NRG3: variants seen among roughly 807,000 people sequenced by gnomAD.
NRG3 encodes neuregulin 3, also known as pro-neuregulin-3, membrane-bound isoform.
NRG3 carries 31 observed loss-of-function variants against 66.9 expected under a neutral mutation model. The ratio of observed to expected loss-of-function variants is 0.46; its 90% CI spans 0.35 to 0.63. The LOEUF is 0.63. Ranked by LOEUF, NRG3 falls within the 20% of genes least tolerant of loss-of-function variation. NRG3 has a pLI of 0.00. For synonymous variants in NRG3, 393 were observed against 359.4 expected, an observed-to-expected ratio of 1.09 and a Z score of -1.06; for missense variants, 910 against 878.9, an observed-to-expected ratio of 1.04 and a Z score of -0.45.
chr10:82,142,732 A>G (rs1470776612), intron 1 of NRG3, among the ~76,000 whole-genome samples: 1 of 151,024 alleles, frequency 6.6e-6, no homozygotes, highest in Non-Finnish European at 1.5e-5. Context: ...AGAGTCAGCA[A>G]TAAGATGTGA....
Position 82,929,494 on chromosome 10 carries a change from A to C in NRG3, c.1055-21975A>C, listed in dbSNP as rs187462303. Among the ~76,000 whole-genome samples, 5 of 152,304 alleles carry C rather than the reference A, an allele frequency of 3.3e-5. No homozygotes were observed. In the East Asian group the frequency reaches 9.7e-4, roughly 29 times the overall value. ...TTACTGGTTAAATTTTATTCCAACT[A>C]TGAGCTACTAAGTCTTCCAGCAATT... On this transcript the variant is annotated intron_variant, in intron 4 of 8. Transcript: ENST00000372141.
At chr10:82,084,983 A>G (rs976865380) in intron 1 of NRG3, among the ~76,000 whole-genome samples, 3 of 152,150 alleles carry the variant, frequency 2.0e-5, no homozygotes, top group African/African-American at 7.2e-5. Context: ...ATGTTGGGCA[A>G]CTAGTCCCCT....
chr10:82,040,964 G>A (rs2207770), intron 1 of NRG3, among the ~76,000 whole-genome samples: 148,242 of 152,186 alleles, frequency 0.97, 72,222 homozygotes, highest in African/African-American at 0.99. Flanking sequence ...AGAAAACTCA[G>A]TGTTATGATG....
intron 1 of NRG3, among the ~76,000 whole-genome samples, chr10:82,094,261 A>G (rs951311397): frequency 2.6e-5 from 4 of 152,208 alleles, no homozygotes; most frequent in Non-Finnish European, 5.9e-5. Context: ...GTCACTAATC[A>G]TCAGAGAAAT....
intron 1 of NRG3, among the ~76,000 whole-genome samples, chr10:82,003,986 AAAACAC>A (rs1434125178): frequency 3.2e-3 from 374 of 116,224 alleles, no homozygotes; most frequent in African/African-American, 0.016. Context: ...TACCTGACTG[AAAACAC>A]ACACACACAC....
intron 2 of NRG3, among the ~76,000 whole-genome samples, chr10:82,679,220 A>T (rs2053937423): frequency 6.6e-6 from 1 of 152,214 alleles, no homozygotes; most frequent in Non-Finnish European, 1.5e-5. Flanking sequence ...ACTGTTGTAT[A>T]GTCATAGTCA....
intron 2 of NRG3, among the ~76,000 whole-genome samples, chr10:82,509,433 A>G (rs1275414116): frequency 6.6e-6 from 1 of 152,178 alleles, no homozygotes. Flanking sequence ...GAACCTCTTC[A>G]GTAACCACAG....
chr10:82,981,709 G>C (rs1352139225), intron 8 of NRG3, among the ~76,000 whole-genome samples: 2 of 152,166 alleles, frequency 1.3e-5, no homozygotes, highest in Non-Finnish European at 2.9e-5. Context: ...GAGTGAGGTG[G>C]AGAGGAGATT....
chr10:82,019,886 C>T (rs1007641392), intron 1 of NRG3, among the ~76,000 whole-genome samples: 16 of 151,942 alleles, frequency 1.1e-4, no homozygotes, highest in African/African-American at 2.9e-4. Flanking sequence ...TTCAAAAAAC[C>T]AGCTCCTTGA....
intron 6 of NRG3, among the ~76,000 whole-genome samples, chr10:82,971,918 A>G (rs1851786642): frequency 6.6e-6 from 1 of 152,140 alleles, no homozygotes; most frequent in Non-Finnish European, 1.5e-5. Context: ...TTTCACCTGT[A>G]CATTGCAGGG....
At chr10:82,032,289 A>G (rs1413116427) in intron 1 of NRG3, among the ~76,000 whole-genome samples, 1 of 152,068 alleles carries the variant, frequency 6.6e-6, no homozygotes, top group African/African-American at 2.4e-5. Flanking sequence ...CATTTTAAGA[A>G]TACTGAAGAA....
intron 2 of NRG3, among the ~76,000 whole-genome samples, chr10:82,430,409 C>G (rs1377226776): frequency 6.6e-6 from 1 of 152,074 alleles, no homozygotes; most frequent in Non-Finnish European, 1.5e-5. Flanking sequence ...AGGCACCCAC[C>G]ACCATGCCTG....
At chr10:82,650,175 CATG>C (rs1156624249) in intron 2 of NRG3, among the ~76,000 whole-genome samples, 1 of 152,140 alleles carries the variant, frequency 6.6e-6, no homozygotes, top group Non-Finnish European at 1.5e-5. Context: ...TCTTCTTTGT[CATG>C]ATATGTATAT....
At chr10:82,746,557 C>A (rs1475265959) in intron 3 of NRG3, among the ~76,000 whole-genome samples, 2 of 152,202 alleles carry the variant, frequency 1.3e-5, no homozygotes, top group African/African-American at 4.8e-5. Context: ...AAAGATGACA[C>A]TTCCTCTCTG....
At chr10:82,159,707 A>G (rs1390414424) in intron 1 of NRG3, among the ~76,000 whole-genome samples, 1 of 151,932 alleles carries the variant, frequency 6.6e-6, no homozygotes, top group Admixed American at 6.6e-5. Flanking sequence ...GGAACATAGT[A>G]GGTGCTCAGT....
intron 1 of NRG3, among the ~76,000 whole-genome samples, chr10:82,016,605 T>G (rs556045319): frequency 6.6e-6 from 1 of 152,104 alleles, no homozygotes; most frequent in Admixed American, 6.6e-5. Flanking sequence ...AAATTTATGT[T>G]TCAGCAAGAT....
intron 2 of NRG3, among the ~76,000 whole-genome samples, chr10:82,630,547 GGGCATC>G (rs1276640323): frequency 2.3e-4 from 35 of 151,998 alleles, no homozygotes; most frequent in African/African-American, 8.4e-4. Context: ...ACGTGGTGGT[GGGCATC>G]TGTAATCCCA....
At chr10:82,229,106 C>T (rs2076318104) in intron 1 of NRG3, 1 of 152,208 alleles carries the variant, frequency 6.6e-6, no homozygotes, top group Non-Finnish European at 1.5e-5. Context: ...ATATCCCACT[C>T]TGACCCTCCT....
At chr10:81,952,979 CT>C (rs1298474609) in intron 1 of NRG3, among the ~76,000 whole-genome samples, 1 of 152,106 alleles carries the variant, frequency 6.6e-6, no homozygotes, top group Non-Finnish European at 1.5e-5. Context: ...CTGTTTGTCT[CT>C]CTGGCCTCAT....
Sources: allele counts gnomAD v4.1 joint callset (sites outside exome capture counted in the v4.1 genomes callset), GRCh38; gene constraint gnomAD v4.1.1; transcripts MANE v1.5; gene names NCBI Gene and HGNC (gene_info 2026-07-23, HGNC 2026-07-21).